Variants in AIG1 observed in about 807,000 individuals in gnomAD.
The protein encoded by AIG1 is androgen induced 1, also known as androgen-induced gene 1 protein.
Under a neutral mutation model 31.4 loss-of-function variants are expected in AIG1, and 23 were observed. The ratio of observed to expected loss-of-function variants is 0.73; its 90% CI spans 0.53 to 1.04. AIG1 has a LOEUF of 1.04. Among genes scored for constraint, AIG1 ranks in the 50% least tolerant of loss-of-function variants. The probability of loss-of-function intolerance (pLI) is 0.00; values close to 1 mark genes in which losing one functional copy is unlikely to be tolerated. For missense variants in AIG1, 274 were observed against 295.0 expected (o/e 0.93, Z 0.52); for synonymous variants, 100 against 110.5 (o/e 0.90, Z 0.60).
chr6:143,174,957 T>C (rs1788000845), intron 3 of AIG1, among the ~76,000 whole-genome samples: 1 of 152,254 alleles, frequency 6.6e-6, no homozygotes, highest in Admixed American at 6.5e-5. Context: ...CGAGGATTTA[T>C]TTCAAGATTT....
chr6:143,137,023 A>G (rs754992671), intron 2 of AIG1, 33 bp downstream of exon 2: 1 of 1,333,314 alleles, frequency 7.5e-7, no homozygotes, highest in East Asian at 2.8e-5. Flanking sequence ...TTAGCCACAA[A>G]AGAAACTTGG....
At chr6:143,129,401 A>C (rs1783017897) in intron 1 of AIG1, among the ~76,000 whole-genome samples, 1 of 152,178 alleles carries the variant, frequency 6.6e-6, no homozygotes, top group Admixed American at 6.5e-5. Context: ...AGTTCAGGTG[A>C]GGTGGGGGCT....
At chr6:143,107,599 A>G (rs940460761) in intron 1 of AIG1, among the ~76,000 whole-genome samples, 2 of 152,196 alleles carry the variant, frequency 1.3e-5, no homozygotes, top group Admixed American at 6.5e-5. Flanking sequence ...CTCAGTATCT[A>G]TTTACTTGAA....
In AIG1 at chr6:143,174,486, C is replaced by CAAAAAAAA. The variant is rs71024844; in HGVS notation, c.399+9318_399+9325dup. 1.0e-4 allele frequency among the ~76,000 whole-genome samples: 6 copies of CAAAAAAAA among 59,656 alleles called. No individual in the cohort carries two copies. The East Asian group carries it at 1.6e-3, about 16-fold the overall frequency. The allele number at this position is 59,656 out of a possible 152,430, so 39.1% of individuals were successfully genotyped here. On this transcript the variant is annotated intron_variant, in intron 3 of 5. Coordinates refer to ENST00000357847, the MANE Select transcript of AIG1 (RefSeq NM_016108.4). The stretch of plus-strand genomic sequence containing the variant: ...TGGGTGACAGAGTGAGACTCCGTCT[C>CAAAAAAAA]AAAAAAAAAAAAAAAAAAAAAAGAA...
chr6:143,126,096 A>C (rs914516540), intron 1 of AIG1, among the ~76,000 whole-genome samples: 1 of 152,228 alleles, frequency 6.6e-6, no homozygotes, highest in South Asian at 2.1e-4. Flanking sequence ...TGACAGATTT[A>C]GAAAGAATTT....
chr6:143,213,923 C>T lies in AIG1; in HGVS notation c.399+48740C>T, dbSNP rs562891281. On this transcript the variant is annotated intron_variant, in intron 3 of 5. Transcript: ENST00000357847. ...CTTTAATATGTCTATTTTGATAATT[C>T]TTATGGCTCTCCATATAAATAATGC... Among the ~76,000 whole-genome samples, 274 of 152,244 alleles carry T rather than the reference C, an allele frequency of 1.8e-3. 1 individual carries two copies. The highest frequency in any genetic ancestry group is 6.8e-3 in the Middle Eastern group (2 of 292).
chr6:143,208,864 G>A (rs558133162), intron 3 of AIG1, among the ~76,000 whole-genome samples: 79 of 152,108 alleles, frequency 5.2e-4, no homozygotes, highest in African/African-American at 1.4e-3. Context: ...TGCCACAGCC[G>A]ACAGAAATGA....
At chr6:143,094,254 G>A (rs116368458) in intron 1 of AIG1, 188 of 152,290 alleles carry the variant, frequency 1.2e-3, no homozygotes, top group African/African-American at 4.3e-3. Context: ...TAAGCATCTC[G>A]AAAGGCTTCT....
At chr6:143,069,274 C>T (rs960278406) in intron 1 of AIG1, among the ~76,000 whole-genome samples, 3 of 152,182 alleles carry the variant, frequency 2.0e-5, no homozygotes, top group African/African-American at 7.2e-5. Flanking sequence ...GCCTTGGCCT[C>T]CCGAAGTATT....
At chr6:143,315,058 A>G (rs1202824704) in intron 4 of AIG1, among the ~76,000 whole-genome samples, 1 of 152,190 alleles carries the variant, frequency 6.6e-6, no homozygotes, top group Admixed American at 6.6e-5. Context: ...TCAGTGACCG[A>G]GAATTACTAT....
At chr6:143,180,280 G>A (rs984805202) in intron 3 of AIG1, among the ~76,000 whole-genome samples, 2 of 152,158 alleles carry the variant, frequency 1.3e-5, no homozygotes, top group African/African-American at 4.8e-5. Context: ...TGCAGGATGA[G>A]AAAAACACAA....
chr6:143,225,504 A>T (rs1173086717), intron 3 of AIG1, among the ~76,000 whole-genome samples: 1 of 152,226 alleles, frequency 6.6e-6, no homozygotes, highest in Non-Finnish European at 1.5e-5. Context: ...AACATAAGGC[A>T]GGTATTCTTA....
intron 3 of AIG1, among the ~76,000 whole-genome samples, chr6:143,207,867 T>G (rs1370142013): frequency 6.6e-6 from 1 of 152,204 alleles, no homozygotes; most frequent in African/African-American, 2.4e-5. Context: ...TAATTCATTT[T>G]GCCTAAAAGG....
intron 1 of AIG1, among the ~76,000 whole-genome samples, chr6:143,088,441 C>G (rs548742740): frequency 6.6e-6 from 1 of 152,200 alleles, no homozygotes. Flanking sequence ...AGAACTGGTG[C>G]ACTCAAAGTG....
intron 3 of AIG1, among the ~76,000 whole-genome samples, chr6:143,194,551 G>C (rs574491986): frequency 6.6e-6 from 1 of 152,270 alleles, no homozygotes; most frequent in South Asian, 2.1e-4. Context: ...ATCATAACTT[G>C]GGTTGACTTA....
intron 1 of AIG1, among the ~76,000 whole-genome samples, chr6:143,124,096 A>G (rs140134721): frequency 7.2e-4 from 110 of 152,360 alleles, no homozygotes; most frequent in African/African-American, 2.3e-3. Context: ...CAACAAAGTC[A>G]TGGTGAATTA....
At chr6:143,154,472 C>G (rs755749870) in intron 2 of AIG1, among the ~76,000 whole-genome samples, 2 of 151,916 alleles carry the variant, frequency 1.3e-5, no homozygotes, top group Admixed American at 6.6e-5. Flanking sequence ...GGAGTTAGTA[C>G]CAGGCCTCCC....
upstream of AIG1, chr6:143,060,450 G>A (rs1279766416): frequency 8.6e-6 from 2 of 231,550 alleles, no homozygotes; most frequent in Non-Finnish European, 1.9e-5. Flanking sequence ...TGGACACTGG[G>A]GTCCACTCCT....
At chr6:143,077,885 T>C (rs531812899) in intron 1 of AIG1, among the ~76,000 whole-genome samples, 26 of 152,366 alleles carry the variant, frequency 1.7e-4, no homozygotes, top group Non-Finnish European at 2.6e-4. Context: ...ACTTGGTAGA[T>C]GTAGTATGAC....
Sources: gnomAD v4.1 joint callset for allele counts (sites outside exome capture counted in the v4.1 genomes callset) on GRCh38, gnomAD v4.1.1 for gene constraint, MANE v1.5 for transcripts, NCBI Gene and HGNC (gene_info 2026-07-23, HGNC 2026-07-21) for gene names.